CCNJL: variants seen among roughly 807,000 people sequenced by gnomAD.
CCNJL encodes the protein cyclin-J-like protein.
A neutral mutation model predicts 33.4 loss-of-function variants in CCNJL; 33 were observed. The observed-to-expected ratio is 0.99, with a 90% CI of 0.75 to 1.32. The LOEUF is 1.32. Among genes scored for constraint, CCNJL ranks in the 40% most tolerant of loss-of-function variants. The pLI, the probability that CCNJL is intolerant of heterozygous loss-of-function variation, is 0.00. For synonymous variants in CCNJL, 227 were observed against 220.9 expected (o/e 1.03, Z -0.24); for missense variants, 512 against 499.7 (o/e 1.02, Z -0.23).
chr5:160,310,129 C>A (rs1435453332), intron 2 of CCNJL, among the ~76,000 whole-genome samples: 1 of 152,168 alleles, frequency 6.6e-6, no homozygotes, highest in Non-Finnish European at 1.5e-5. Context: ...AAGCTATGAG[C>A]AGAAATGACA....
rs5872638 is a variant in CCNJL at position 160,299,836 on chromosome 5, A to AT, written c.66+12021dup. Among the ~76,000 whole-genome samples the AT allele has an allele frequency of 3.0e-3, 439 of 144,510 alleles. 4 individuals carry two copies. The highest frequency in any genetic ancestry group is 4.0e-3 in the Non-Finnish European group (261 of 65,546). The allele number at this position is 144,510 out of a possible 152,430, so 94.8% of individuals were successfully genotyped here. Reference sequence around the variant, plus strand: ...GTCGGAAGTGCTCTGAATTGCTTGGATTTTTTTTTTTTTTTTACAATAATC... The same window carrying AT: ...GTCGGAAGTGCTCTGAATTGCTTGGATTTTTTTTTTTTTTTTTACAATAATC... On this transcript the variant is annotated intron_variant, in intron 2 of 5. Transcript: ENST00000257536.
At chr5:160,281,785 G>A (rs1412392627) in intron 2 of CCNJL, among the ~76,000 whole-genome samples, 1 of 152,092 alleles carries the variant, frequency 6.6e-6, no homozygotes, top group African/African-American at 2.4e-5. Flanking sequence ...CAAGTAGCTA[G>A]GACTACAGGC....
At chr5:160,264,152 T>C (rs1456159700) in intron 3 of CCNJL, among the ~76,000 whole-genome samples, 1 of 152,142 alleles carries the variant, frequency 6.6e-6, no homozygotes, top group Non-Finnish European at 1.5e-5. Context: ...GTCGAAATCC[T>C]GGGCTCAAGT....
At chr5:160,279,602 G>C (rs139407451) in intron 3 of CCNJL, among the ~76,000 whole-genome samples, 1 of 152,216 alleles carries the variant, frequency 6.6e-6, no homozygotes, top group Non-Finnish European at 1.5e-5. Context: ...TGAGGGCAGT[G>C]GGGGAAGGTT....
chr5:160,323,479 A>G (rs543090594), intron 1 of CCNJL, among the ~76,000 whole-genome samples: 1 of 152,334 alleles, frequency 6.6e-6, no homozygotes, highest in East Asian at 1.9e-4. Flanking sequence ...GGTATTTTAA[A>G]TATGACTAAG....
rs564796712 is a variant in CCNJL, at chr5:160,289,393, C to T, written c.67-8655G>A. 4.6e-5 allele frequency among the ~76,000 whole-genome samples: 7 copies of T among 152,188 alleles called. No homozygotes were observed. The South Asian group carries it at 1.2e-3, about 27-fold the overall frequency. On this transcript the variant is annotated intron_variant, in intron 2 of 5. Transcript: ENST00000257536. ...AGTGTTTTGAGGAATCTTCCCTCTG[C>T]CTGTGGCCCTCTATGCCCTCCCTTC... is the stretch of plus-strand genomic sequence containing the variant.
At chr5:160,285,901 G>A (rs939186165) in intron 2 of CCNJL, among the ~76,000 whole-genome samples, 1 of 152,232 alleles carries the variant, frequency 6.6e-6, no homozygotes, top group Non-Finnish European at 1.5e-5. Flanking sequence ...CAGACAGCTG[G>A]TAGCAGCAGC....
intron 2 of CCNJL, among the ~76,000 whole-genome samples, chr5:160,282,268 C>T (rs1762239466): frequency 6.6e-6 from 1 of 152,188 alleles, no homozygotes; most frequent in South Asian, 2.1e-4. Flanking sequence ...AGTACCTTCT[C>T]TACACTGGGT....
At chr5:160,322,450 G>A (rs1164998511) in intron 1 of CCNJL, among the ~76,000 whole-genome samples, 1 of 152,168 alleles carries the variant, frequency 6.6e-6, no homozygotes, top group Non-Finnish European at 1.5e-5. Context: ...GGGGTTATAT[G>A]AAGGTCAAAT....
At chr5:160,277,303 G>A (rs377553297) in intron 3 of CCNJL, among the ~76,000 whole-genome samples, 1 of 152,166 alleles carries the variant, frequency 6.6e-6, no homozygotes, top group Non-Finnish European at 1.5e-5. Flanking sequence ...GAACAGTAAG[G>A]AAGGAAGCCA....
upstream of CCNJL, chr5:160,315,382 C>T: frequency 2.4e-6 from 1 of 420,222 alleles, no homozygotes; most frequent in Non-Finnish European, 4.7e-6. Flanking sequence ...TGGTATACAC[C>T]TGTAGTCTTA....
At chr5:160,302,614 C>T (rs1263524568) in intron 2 of CCNJL, among the ~76,000 whole-genome samples, 1 of 152,012 alleles carries the variant, frequency 6.6e-6, no homozygotes, top group African/African-American at 2.4e-5. Flanking sequence ...GAGTTTGAGA[C>T]CAGCCTGGCC....
intron 3 of CCNJL, among the ~76,000 whole-genome samples, chr5:160,278,769 C>T (rs1365597922): frequency 6.6e-6 from 1 of 152,192 alleles, no homozygotes; most frequent in Admixed American, 6.5e-5. Flanking sequence ...CGCGATGCAG[C>T]CCACAGATCA....
At chr5:160,297,006 A>T (rs187461152) in intron 2 of CCNJL, among the ~76,000 whole-genome samples, 12 of 152,242 alleles carry the variant, frequency 7.9e-5, no homozygotes, top group Non-Finnish European at 1.6e-4. Context: ...TAAGTATAGG[A>T]CCTACTGGAA....
At chr5:160,267,136 C>A (rs78392972) in intron 3 of CCNJL, among the ~76,000 whole-genome samples, 6,372 of 152,256 alleles carry the variant, frequency 0.042, 225 homozygotes, top group South Asian at 0.18. Context: ...GCATTTGGTT[C>A]TCTGCTGCAT....
intron 1 of CCNJL, among the ~76,000 whole-genome samples, chr5:160,327,941 C>T (rs935331823): frequency 6.6e-6 from 1 of 152,102 alleles, no homozygotes; most frequent in African/African-American, 2.4e-5. Flanking sequence ...CAGGTGTGAA[C>T]AAAGTGAGTG....
intron 1 of CCNJL, among the ~76,000 whole-genome samples, chr5:160,323,990 G>A (rs991956137): frequency 6.6e-6 from 1 of 152,154 alleles, no homozygotes. Flanking sequence ...AGGCCTGTGG[G>A]CTTGGGCTGG....
intron 3 of CCNJL, among the ~76,000 whole-genome samples, chr5:160,276,619 T>C (rs758976629): frequency 2.2e-4 from 33 of 152,068 alleles, no homozygotes; most frequent in Non-Finnish European, 3.8e-4. Context: ...AGCTGGGGGA[T>C]AGGAAGAAAC....
chr5:160,335,642 C>T (rs1453591989), intron 1 of CCNJL, among the ~76,000 whole-genome samples: 1 of 152,026 alleles, frequency 6.6e-6, no homozygotes. Flanking sequence ...GTGATCATAG[C>T]TCGCTGCAGC....
Sources: allele counts gnomAD v4.1 joint callset (sites outside exome capture counted in the v4.1 genomes callset), GRCh38; gene constraint gnomAD v4.1.1; transcripts MANE v1.5; gene names NCBI Gene and HGNC (gene_info 2026-07-23, HGNC 2026-07-21).